CORO2B: variants seen among roughly 807,000 people sequenced by gnomAD.
CORO2B encodes coronin-2B.
In CORO2B, 26 loss-of-function variants were observed where a neutral mutation model predicts 58.8. The observed-to-expected ratio is 0.44, with a 90% CI of 0.32 to 0.61. The LOEUF is 0.61. CORO2B is among the 20% of genes least tolerant of loss of function. The probability of loss-of-function intolerance (pLI) is 0.04; values close to 1 mark genes in which losing one functional copy is unlikely to be tolerated. For missense variants in CORO2B, 460 were observed against 645.1 expected, an observed-to-expected ratio of 0.71 and a Z score of 3.11; for synonymous variants, 242 against 253.8, an observed-to-expected ratio of 0.95 and a Z score of 0.44.
At chr15:68,543,328 TC>T in the CORO2B span, among the ~76,000 whole-genome samples, 3 of 152,030 alleles carry the variant, frequency 2.0e-5, no homozygotes, top group Admixed American at 1.3e-4. Context: ...GCTTCCTCCC[TC>T]CCCCTGACTG....
chr15:68,601,800 A>C (rs751432542), intron 1 of CORO2B, among the ~76,000 whole-genome samples: 5 of 152,196 alleles, frequency 3.3e-5, no homozygotes, highest in Admixed American at 6.5e-5. Flanking sequence ...CTATTGTCTT[A>C]GTCCCTCTGT....
At chr15:68,542,056 C>T in the CORO2B span, among the ~76,000 whole-genome samples, 1 of 152,196 alleles carries the variant, frequency 6.6e-6, no homozygotes, top group Admixed American at 6.5e-5. Context: ...TTTGTTGCGT[C>T]TTAGGGATGA....
At chr15:68,684,068 T>C (rs563059218) in intron 2 of CORO2B, among the ~76,000 whole-genome samples, 1 of 151,920 alleles carries the variant, frequency 6.6e-6, no homozygotes, top group South Asian at 2.1e-4. Context: ...GTGTGTAAGG[T>C]GGATTGGAGA....
In CORO2B at chr15:68,719,111, C is replaced by G. The variant is rs756299590; in HGVS notation, c.1081-33C>G. On this transcript the variant is annotated intron_variant, in intron 9 of 11. Transcript: ENST00000261861. Reference sequence around the variant, plus strand: ...AGTAGGGGCTTTCCCAGCAGCCCCCCATGTGTCCTCTCTTCTGCTCCTCCC... The same window carrying G: ...AGTAGGGGCTTTCCCAGCAGCCCCCGATGTGTCCTCTCTTCTGCTCCTCCC... The G allele has an allele frequency of 3.3e-6, 5 of 1,536,446 alleles. No homozygotes were observed. The South Asian group carries it at 4.5e-5, about 14-fold the overall frequency.
intron 2 of CORO2B, among the ~76,000 whole-genome samples, chr15:68,680,846 G>A (rs1399666156): frequency 6.6e-6 from 1 of 152,184 alleles, no homozygotes; most frequent in Non-Finnish European, 1.5e-5. Context: ...CTTCAGGTCT[G>A]ACCCATGGGA....
At chr15:68,697,258 C>T (rs1290500972) in intron 3 of CORO2B, among the ~76,000 whole-genome samples, 1 of 150,916 alleles carries the variant, frequency 6.6e-6, no homozygotes, top group Non-Finnish European at 1.5e-5. Flanking sequence ...GGGTGTATGA[C>T]TACATTGATG....
chr15:68,535,913 TG>T, the CORO2B span, among the ~76,000 whole-genome samples: 10 of 152,346 alleles, frequency 6.6e-5, no homozygotes, highest in African/African-American at 2.4e-4. Flanking sequence ...CAGGTGATTC[TG>T]GAACATTGAC....
chr15:68,725,230 ATGGTGGCACATGCCTG>A, intron 11 of CORO2B, among the ~76,000 whole-genome samples: 1 of 152,026 alleles, frequency 6.6e-6, no homozygotes, highest in East Asian at 1.9e-4. Flanking sequence ...TTATCCAGGC[ATGGTGGCACATGCCTG>A]TAATCCCAGC....
At chr15:68,620,799 C>A (rs763144997) in intron 1 of CORO2B, among the ~76,000 whole-genome samples, 12 of 152,182 alleles carry the variant, frequency 7.9e-5, no homozygotes, top group Non-Finnish European at 1.5e-4. Flanking sequence ...GAGGCAGGAC[C>A]AGGGCTAGAA....
intron 2 of CORO2B, among the ~76,000 whole-genome samples, chr15:68,669,174 A>AAAAG (rs991541457): frequency 6.8e-6 from 1 of 148,026 alleles, no homozygotes; most frequent in East Asian, 2.0e-4. Context: ...GAAAGAAAAG[A>AAAAG]AAAGAAAGAA....
intron 1 of CORO2B, among the ~76,000 whole-genome samples, chr15:68,624,610 A>G (rs997278166): frequency 1.3e-5 from 2 of 151,776 alleles, no homozygotes; most frequent in East Asian, 3.9e-4. Flanking sequence ...CAGACCCAAG[A>G]GTTCCTGGGG....
At chr15:68,711,507 C>T (rs1892916528) in intron 4 of CORO2B, 35 bp from the exon 5 acceptor site, 5 of 1,592,216 alleles carry the variant, frequency 3.1e-6, no homozygotes, top group Non-Finnish European at 4.3e-6. Flanking sequence ...CCCTAGCAGC[C>T]ACTGACCCTG....
At position 68,711,690 on chromosome 15, in the gene CORO2B, C is replaced by G; in HGVS notation, c.632C>G (p.Ser211Cys). The G allele has an allele frequency of 6.2e-7, 1 of 1,614,088 alleles. No homozygotes were observed. Among genetic ancestry groups the G allele is most frequent in the Non-Finnish European group, 8.5e-7 (1 of 1,179,974 alleles). Residue 211 changes from serine (S) to cysteine (C), a missense_variant, in exon 5 of 12, where the codon TCT becomes TGT. Transcript: ENST00000261861. ...DKKLRVIEPR[S>C]GRVLQEANCK... Reference sequence around the variant, plus strand: ...AAGCTGCGTGTGATTGAGCCCCGCTCTGGCCGTGTTCTGCAGGTGGAACCC... The same window carrying G: ...AAGCTGCGTGTGATTGAGCCCCGCTGTGGCCGTGTTCTGCAGGTGGAACCC...
chr15:68,638,238 G>A (rs1229957243), intron 1 of CORO2B, among the ~76,000 whole-genome samples: 1 of 151,678 alleles, frequency 6.6e-6, no homozygotes, highest in African/African-American at 2.4e-5. Flanking sequence ...CCTCCTCCTG[G>A]CAAAGCCTGA....
At chr15:68,603,686 A>G (rs182555040) in intron 1 of CORO2B, among the ~76,000 whole-genome samples, 4,587 of 152,282 alleles carry the variant, frequency 0.03, 256 homozygotes, top group African/African-American at 0.1. Context: ...CTCTCTCCGC[A>G]TCTGCACAGA....
the CORO2B span, among the ~76,000 whole-genome samples, chr15:68,573,760 C>T: frequency 2.0e-5 from 3 of 152,258 alleles, no homozygotes; most frequent in South Asian, 2.1e-4. Context: ...GTCCTCAAGC[C>T]GGGGATGCTT....
chr15:68,630,170 A>G (rs967944645), intron 1 of CORO2B, among the ~76,000 whole-genome samples: 2 of 152,206 alleles, frequency 1.3e-5, no homozygotes, highest in Non-Finnish European at 2.9e-5. Context: ...CAGTTGAATA[A>G]AGAAAGAAAA....
chr15:68,685,192 T>C (rs1234663274), intron 2 of CORO2B, among the ~76,000 whole-genome samples: 1 of 152,222 alleles, frequency 6.6e-6, no homozygotes, highest in Non-Finnish European at 1.5e-5. Flanking sequence ...AATAAGCCTG[T>C]ATTAAATGTG....
intron 1 of CORO2B, among the ~76,000 whole-genome samples, chr15:68,640,960 T>C (rs1447823595): frequency 6.6e-6 from 1 of 152,132 alleles, no homozygotes; most frequent in East Asian, 1.9e-4. Flanking sequence ...CAGGGTTCTG[T>C]GTGAAGACTT....
Sources: gnomAD v4.1 joint callset for allele counts (sites outside exome capture counted in the v4.1 genomes callset) on GRCh38, gnomAD v4.1.1 for gene constraint, MANE v1.5 for transcripts, NCBI Gene and HGNC (gene_info 2026-07-23, HGNC 2026-07-21) for gene names.